MTHFS: variants seen among roughly 807,000 people sequenced by gnomAD.
The protein encoded by MTHFS is 5-formyltetrahydrofolate cyclo-ligase.
In MTHFS, 7 loss-of-function variants were observed where a neutral mutation model predicts 12.7. That is an observed-to-expected ratio of 0.55 (90% CI 0.31 to 1.03). The LOEUF (loss-of-function observed/expected upper bound fraction) is 1.03. Ranked by LOEUF, MTHFS falls within the 50% of genes least tolerant of loss-of-function variation. MTHFS has a pLI of 0.05. For missense variants in MTHFS, 252 were observed against 258.1 expected (o/e 0.98, Z 0.16); for synonymous variants, 100 against 97.1 (o/e 1.03, Z -0.18).
chr15:79,857,143 GCAC>G (rs1364418651), intron 2 of MTHFS, among the ~76,000 whole-genome samples: 1 of 151,896 alleles, frequency 6.6e-6, no homozygotes, highest in Non-Finnish European at 1.5e-5. Flanking sequence ...TTACAGGCAT[GCAC>G]CACCACGCCC....
intron 2 of MTHFS, among the ~76,000 whole-genome samples, chr15:79,886,137 G>C (rs2141374114): frequency 6.6e-6 from 1 of 152,308 alleles, no homozygotes; most frequent in Non-Finnish European, 1.5e-5. Flanking sequence ...AATTGCAACT[G>C]AGGACACAAA....
intron 1 of MTHFS, among the ~76,000 whole-genome samples, chr15:79,891,435 A>G (rs2034470158): frequency 2.0e-5 from 3 of 152,238 alleles, no homozygotes; most frequent in African/African-American, 7.2e-5. Flanking sequence ...ACTCAAGAAG[A>G]TAACTGCATT....
At chr15:79,860,612 C>A (rs1596066817) in intron 2 of MTHFS, among the ~76,000 whole-genome samples, 2 of 152,146 alleles carry the variant, frequency 1.3e-5, no homozygotes, top group East Asian at 3.9e-4. Context: ...TTGAAATTTT[C>A]ATAAGTAGTG....
At chr15:79,897,248 C>T (rs997550953), upstream of MTHFS, 27 of 455,496 alleles carry the variant, frequency 5.9e-5, no homozygotes, top group Non-Finnish European at 8.8e-5. Context: ...GGCGAGGCGC[C>T]GTCGCTGCCC....
upstream of MTHFS, chr15:79,897,219 CCCCGGTTAG>C (rs2034599405): frequency 2.2e-6 from 1 of 446,046 alleles, no homozygotes; most frequent in African/African-American, 2.0e-5. Flanking sequence ...GGCTCGCCCT[CCCCGGTTAG>C]GGGAGCGGTG....
rs1391413867 is a variant in MTHFS at position 79,866,802 on chromosome 15, AG to A, written c.380-21361del. 2.6e-5 allele frequency among the ~76,000 whole-genome samples: 4 copies of A among 152,232 alleles called. No homozygotes were observed. In the East Asian group the frequency reaches 7.7e-4, roughly 29 times the overall value. The stretch of plus-strand genomic sequence containing the variant: ...CCCACCTCTACCAAAAACACAAAAA[AG>A]TTAGCTGGGCATGGTGGTGGCAGGC... On this transcript the variant is annotated intron_variant, in intron 2 of 2. Coordinates refer to ENST00000258874, the MANE Select transcript of MTHFS (RefSeq NM_006441.4).
intron 2 of MTHFS, among the ~76,000 whole-genome samples, chr15:79,873,154 C>T (rs963938379): frequency 5.3e-5 from 8 of 152,234 alleles, no homozygotes; most frequent in South Asian, 2.1e-4. Flanking sequence ...CCCATTGTGA[C>T]GCCTCCTGGT....
chr15:79,860,391 A>C (rs2033892264), intron 2 of MTHFS, among the ~76,000 whole-genome samples: 2 of 151,926 alleles, frequency 1.3e-5, no homozygotes, highest in Non-Finnish European at 2.9e-5. Flanking sequence ...TCCATCTCAA[A>C]AAAAAAAAAA....
At chr15:79,884,961 C>A (rs1003474455) in intron 2 of MTHFS, among the ~76,000 whole-genome samples, 2 of 152,220 alleles carry the variant, frequency 1.3e-5, no homozygotes, top group African/African-American at 4.8e-5. Context: ...GAGCAGTGAT[C>A]TACACATCTT....
intron 2 of MTHFS, among the ~76,000 whole-genome samples, chr15:79,859,809 A>G (rs1265660987): frequency 7.1e-6 from 1 of 141,288 alleles, no homozygotes; most frequent in African/African-American, 2.7e-5. Context: ...CAGAGAGAGA[A>G]TACATGTCAA....
intron 2 of MTHFS, among the ~76,000 whole-genome samples, chr15:79,879,572 G>A (rs1159395880): frequency 1.3e-5 from 2 of 152,034 alleles, no homozygotes; most frequent in African/African-American, 4.8e-5. Flanking sequence ...TAAAACTAAT[G>A]TGTGGTTTGT....
chr15:79,897,039 G>A (rs1385021488), upstream of MTHFS: 8 of 1,481,038 alleles, frequency 5.4e-6, no homozygotes, highest in Non-Finnish European at 5.4e-6. Flanking sequence ...GGGCGCCCTC[G>A]GGTTCGGTCT....
chr15:79,890,535 C>CT (rs902000768), intron 1 of MTHFS, among the ~76,000 whole-genome samples: 16 of 152,006 alleles, frequency 1.1e-4, no homozygotes, highest in Non-Finnish European at 2.9e-5. Context: ...GGCCAGCTCT[C>CT]TTTTTTTCCC....
At chr15:79,866,847 T>G (rs1037763573) in intron 2 of MTHFS, among the ~76,000 whole-genome samples, 2 of 152,186 alleles carry the variant, frequency 1.3e-5, no homozygotes, top group South Asian at 2.1e-4. Context: ...TCCCAGTTAG[T>G]TGGGAGGCTG....
chr15:79,853,612 CT>C (rs1245568558), intron 2 of MTHFS, among the ~76,000 whole-genome samples: 6 of 152,218 alleles, frequency 3.9e-5, no homozygotes, highest in Admixed American at 1.3e-4. Context: ...AGTCATAATA[CT>C]AACACTACAA....
intron 2 of MTHFS, among the ~76,000 whole-genome samples, chr15:79,871,820 A>C (rs1416397014): frequency 6.6e-6 from 1 of 152,112 alleles, no homozygotes; most frequent in Non-Finnish European, 1.5e-5. Context: ...AAAATTTTTT[A>C]CATAGGCCGG....
intron 1 of MTHFS, among the ~76,000 whole-genome samples, chr15:79,894,793 C>G (rs1208392668): frequency 6.6e-6 from 1 of 152,312 alleles, no homozygotes; most frequent in East Asian, 1.9e-4. Context: ...TATTCTCTAA[C>G]CTCTTCCAAT....
chr15:79,869,768 TA>T (rs1470887889), intron 2 of MTHFS, among the ~76,000 whole-genome samples: 1 of 152,086 alleles, frequency 6.6e-6, no homozygotes, highest in East Asian at 1.9e-4. Flanking sequence ...TTAATAATTT[TA>T]AAATGTTAAT....
At chr15:79,888,345 G>A (rs1469741173) in intron 2 of MTHFS, among the ~76,000 whole-genome samples, 1 of 152,170 alleles carries the variant, frequency 6.6e-6, no homozygotes, top group Non-Finnish European at 1.5e-5. Context: ...GTTAAGGAGG[G>A]TTTACTTCAA....
Sources: gnomAD v4.1 joint callset for allele counts (sites outside exome capture counted in the v4.1 genomes callset) on GRCh38, gnomAD v4.1.1 for gene constraint, MANE v1.5 for transcripts, NCBI Gene and HGNC (gene_info 2026-07-23, HGNC 2026-07-21) for gene names.